Variants in VCL observed in about 807,000 individuals in gnomAD.
The protein encoded by VCL is epididymis luminal protein 114.
A neutral mutation model predicts 125.7 loss-of-function variants in VCL; 47 were observed. The observed-to-expected ratio is 0.37, with a 90% confidence interval of 0.30 to 0.48. VCL has a LOEUF of 0.48. Ranked by LOEUF, VCL falls within the 20% of genes least tolerant of loss-of-function variation. The probability of loss-of-function intolerance (pLI) is 0.99; values close to 1 mark genes in which losing one functional copy is unlikely to be tolerated. For missense variants in VCL, 1,069 were observed against 1,455.5 expected (o/e 0.73, Z 4.32); for synonymous variants, 458 against 514.6 (o/e 0.89, Z 1.49).
chr10:74,090,283 C>T (rs1839858701), intron 10 of VCL, 85 bp downstream of exon 10: 1 of 1,490,754 alleles, frequency 6.7e-7, no homozygotes, highest in Non-Finnish European at 9.3e-7. Flanking sequence ...TCTTTCTTCC[C>T]CCAAGAACAT....
intron 7 of VCL, among the ~76,000 whole-genome samples, chr10:74,083,091 A>G (rs769634727): frequency 4.6e-5 from 7 of 152,244 alleles, no homozygotes; most frequent in Non-Finnish European, 1.0e-4. Flanking sequence ...TTAAATTGTT[A>G]GAGTCTGTTT....
intron 1 of VCL, among the ~76,000 whole-genome samples, chr10:74,013,066 T>C (rs1413214930): frequency 2.0e-5 from 3 of 152,224 alleles, no homozygotes; most frequent in African/African-American, 7.2e-5. Context: ...TCTGAATTTT[T>C]AGTATCCATC....
intron 16 of VCL, among the ~76,000 whole-genome samples, chr10:74,106,543 A>C (rs1030386997): frequency 3.3e-5 from 5 of 152,156 alleles, no homozygotes; most frequent in African/African-American, 2.4e-5. Flanking sequence ...AAATCATCTG[A>C]ATTCCTTCCT....
At chr10:74,006,884 A>T (rs901781115) in intron 1 of VCL, among the ~76,000 whole-genome samples, 2 of 152,198 alleles carry the variant, frequency 1.3e-5, no homozygotes, top group Admixed American at 6.6e-5. Flanking sequence ...CAGATAAGGG[A>T]TATTTAACCT....
chr10:74,114,693 C>T (rs1840285503), intron 20 of VCL, 102 bp from the exon 21 acceptor site: 1 of 1,287,408 alleles, frequency 7.8e-7, no homozygotes, highest in Admixed American at 2.0e-5. Context: ...AGTGCCTTTT[C>T]TGTGCCAGCC....
Position 74,074,823 on chromosome 10 carries a change from G to GA in VCL, c.709dup (p.Met237AsnfsTer4). 6.2e-7 allele frequency: 1 copy of GA among 1,614,084 alleles called. No individual in the cohort carries two copies. The highest frequency in any genetic ancestry group is 8.5e-7 in the Non-Finnish European group (1 of 1,180,014). ...TTTAAAAAATCGCAATTTTACTGTA[G>GA]AAAAAATGAGTGCTGAAATTAATGA... is the stretch of plus-strand genomic sequence containing the variant. On this transcript the variant is annotated frameshift_variant, in exon 6 of 22. Coordinates refer to ENST00000211998, the MANE Select transcript of VCL (RefSeq NM_014000.3). LOFTEE classifies it high-confidence loss of function.
chr10:74,018,177 G>GATATATATATATGTATAT (rs1555114499), intron 1 of VCL, among the ~76,000 whole-genome samples: 1 of 81,908 alleles, frequency 1.2e-5, no homozygotes, highest in African/African-American at 4.4e-5. Flanking sequence ...ATATATATAG[G>GATATATATATATGTATAT]ATATATATAT....
At chr10:74,063,420 T>C (rs182003318) in intron 2 of VCL, among the ~76,000 whole-genome samples, 92 of 152,328 alleles carry the variant, frequency 6.0e-4, no homozygotes, top group African/African-American at 2.1e-3. Flanking sequence ...CTGGAAACTC[T>C]AGAAAAGACT....
chr10:74,015,484 G>A (rs1324632066), intron 1 of VCL, among the ~76,000 whole-genome samples: 1 of 152,040 alleles, frequency 6.6e-6, no homozygotes, highest in African/African-American at 2.4e-5. Flanking sequence ...AATGCGGGAG[G>A]TGGAGGTTGC....
chr10:74,088,114 G>A (rs1839818077), intron 8 of VCL, among the ~76,000 whole-genome samples: 1 of 152,188 alleles, frequency 6.6e-6, no homozygotes, highest in Admixed American at 6.5e-5. Context: ...TTCTGATTAG[G>A]ATAATCAGCC....
Position 74,072,818 on chromosome 10 carries a change from C to A in VCL, c.588C>A (p.Asn196Lys), listed in dbSNP as rs1841683588. 4.3e-6 allele frequency: 7 copies of A among 1,614,066 alleles called. No individual in the cohort carries two copies. Among genetic ancestry groups the A allele is most frequent in the Non-Finnish European group, 5.9e-6 (7 of 1,180,016 alleles). The change falls in exon 5 of 22, where the codon AAC becomes AAA. Residue 196 changes from asparagine to lysine, a missense_variant. Asn to Lys is a moderately conservative substitution (Grantham distance 94, BLOSUM62 0). Transcript: ENST00000211998. The stretch of plus-strand genomic sequence containing the variant: ...GAGTGATGTTGGTGAACTCGATGAA[C>A]ACCGTGAAAGAGTTGCTGCCAGTTC... Reference protein sequence around the residue: ...EHRVMLVNSMNTVKELLPVLI... With the variant: ...EHRVMLVNSMKTVKELLPVLI...
At position 74,119,161 on chromosome 10, in the gene VCL, C is replaced by T. The variant is rs199954386; in HGVS notation, c.*992C>T. The T allele has an allele frequency of 6.9e-6, 1 of 144,586 alleles. No homozygotes were observed. The highest frequency in any genetic ancestry group is 2.2e-4 in the South Asian group (1 of 4,578). The allele number at this position is 144,586 out of a possible 1,614,324, so 9.0% of individuals were successfully genotyped here. A position where few individuals can be genotyped will look rare whatever the true frequency, so the allele number is the denominator to read the frequency against. On this transcript the variant is annotated 3_prime_UTR_variant, in exon 22 of 22. Coordinates refer to ENST00000211998, the MANE Select transcript of VCL (RefSeq NM_014000.3). Reference sequence around the variant, plus strand: ...ATTTTAACCAAAACATGTCTCCTATCCTGGTTTTTGTAGCCTTCCTCCACA... The same window carrying T: ...ATTTTAACCAAAACATGTCTCCTATTCTGGTTTTTGTAGCCTTCCTCCACA...
intron 2 of VCL, among the ~76,000 whole-genome samples, chr10:74,056,376 A>G (rs1026501067): frequency 6.6e-6 from 1 of 152,052 alleles, no homozygotes; most frequent in Non-Finnish European, 1.5e-5. Flanking sequence ...TATATATTTA[A>G]GCTGCATCCT....
chr10:74,106,721 A>G (rs879722236), intron 16 of VCL, among the ~76,000 whole-genome samples: 4 of 152,232 alleles, frequency 2.6e-5, no homozygotes, highest in Non-Finnish European at 4.4e-5. Context: ...TGGAGTTTCT[A>G]ATAGTAGAGT....
At position 74,094,353 on chromosome 10, in the gene VCL, C is replaced by T. The variant is rs369055603; in HGVS notation, c.1435C>T (p.Arg479Trp). 1.2e-5 allele frequency: 19 copies of T among 1,614,066 alleles called. No homozygotes were observed. The highest frequency in any genetic ancestry group is 4.5e-5 in the East Asian group (2 of 44,890). Residue 479 changes from arginine (R) to tryptophan (W), a missense_variant, in exon 11 of 22, where the codon CGG becomes TGG. Arg to Trp is a moderately radical substitution (Grantham distance 101). Coordinates refer to ENST00000211998, the MANE Select transcript of VCL (RefSeq NM_014000.3). ...ALQNLQTKTNRAVANSRPAKA... is the reference protein window; with the variant it reads ...ALQNLQTKTNWAVANSRPAKA... ...GCAGAACCTGCAGACCAAAACCAAC[C>T]GGGCTGTGGCCAACAGCAGACCGGC...
intron 1 of VCL, 124 bp downstream of exon 1, chr10:73,998,499 C>T (rs1354026729): frequency 7.5e-6 from 8 of 1,062,544 alleles, no homozygotes; most frequent in Non-Finnish European, 9.7e-6. Context: ...CGGAGCCAGG[C>T]GCCGAGGGTT....
At position 74,097,115 on chromosome 10, in the gene VCL, G is replaced by C; in HGVS notation, c.1744-89G>C. On this transcript the variant is annotated intron_variant, in intron 12 of 21. Transcript: ENST00000211998. This position sits in a 1 kb window ranked among gnomAD's most constrained non-coding sequence, Gnocchi z 4.1. ...TATTTATTGAATGAAAGACTGAATAGATGAATGAATGTCAGTGAAGTAAGG... is the reference window on the plus strand; with the variant it reads ...TATTTATTGAATGAAAGACTGAATACATGAATGAATGTCAGTGAAGTAAGG... 6.5e-7 allele frequency: 1 copy of C among 1,547,488 alleles called. No individual in the cohort carries two copies.
At chr10:74,036,241 C>T (rs757891992) in intron 1 of VCL, among the ~76,000 whole-genome samples, 6 of 151,986 alleles carry the variant, frequency 3.9e-5, no homozygotes, top group South Asian at 2.1e-4. Context: ...TTGCTTTTGT[C>T]GCCCAGGCTG....
At chr10:74,036,507 GT>G (rs886381641) in intron 1 of VCL, among the ~76,000 whole-genome samples, 80 of 151,138 alleles carry the variant, frequency 5.3e-4, no homozygotes, top group African/African-American at 1.8e-3. Flanking sequence ...CAGCCACTCT[GT>G]TTTTTTTTAA....
Sources: allele counts gnomAD v4.1 joint callset (sites outside exome capture counted in the v4.1 genomes callset), GRCh38; gene constraint gnomAD v4.1.1; non-coding constraint Gnocchi (gnomAD v3.1); transcripts MANE v1.5; gene names NCBI Gene and HGNC (gene_info 2026-07-23, HGNC 2026-07-21).